The following MRTFB variants were observed in gnomAD, a reference collection of about 807,000 sequenced individuals.
MRTFB encodes the protein myocardin related transcription factor B.
MRTFB carries 29 observed loss-of-function variants against 104.2 expected under a neutral mutation model. That is an observed-to-expected ratio of 0.28 (90% confidence interval 0.21 to 0.38). The LOEUF is 0.38. Among genes scored for constraint, MRTFB ranks in the 10% least tolerant of loss-of-function variants. MRTFB has a pLI of 1.00. For synonymous variants in MRTFB, 535 were observed against 519.5 expected, an observed-to-expected ratio of 1.03 and a Z score of -0.41; for missense variants, 1,270 against 1,341.6, an observed-to-expected ratio of 0.95 and a Z score of 0.83.
intron 10 of MRTFB, among the ~76,000 whole-genome samples, chr16:14,244,735 C>A (rs1275688524): frequency 6.6e-6 from 1 of 152,172 alleles, no homozygotes; most frequent in African/African-American, 2.4e-5. Context: ...CCCCACTTTT[C>A]CACTGGGTTT....
At chr16:14,188,456 A>C (rs1948355349) in intron 3 of MRTFB, among the ~76,000 whole-genome samples, 3 of 152,226 alleles carry the variant, frequency 2.0e-5, no homozygotes, top group Admixed American at 2.0e-4. Context: ...CAATGGGATT[A>C]AGGCACATAG....
intron 9 of MRTFB, among the ~76,000 whole-genome samples, chr16:14,237,301 C>T (rs2042561661): frequency 2.6e-5 from 4 of 152,194 alleles, no homozygotes; most frequent in Admixed American, 2.6e-4. Flanking sequence ...GCAAAGGAGA[C>T]TCAGCAAAAA....
chr16:14,043,826 G>C, the MRTFB span, among the ~76,000 whole-genome samples: 1 of 152,180 alleles, frequency 6.6e-6, no homozygotes, highest in African/African-American at 2.4e-5. Flanking sequence ...CGAACCTTGT[G>C]CTAGGCACAC....
intron 2 of MRTFB, among the ~76,000 whole-genome samples, chr16:14,117,114 C>G (rs1483712357): frequency 6.6e-6 from 1 of 152,238 alleles, no homozygotes; most frequent in East Asian, 1.9e-4. Flanking sequence ...CTTTGAATAA[C>G]TACTCCTTTT....
chr16:14,102,062 A>G (rs1316527037), intron 2 of MRTFB, among the ~76,000 whole-genome samples: 1 of 152,080 alleles, frequency 6.6e-6, no homozygotes, highest in African/African-American at 2.4e-5. Flanking sequence ...AGAAAAATAG[A>G]GGAGTTATTT....
At chr16:14,064,218 T>G in the MRTFB span, among the ~76,000 whole-genome samples, 11 of 152,346 alleles carry the variant, frequency 7.2e-5, no homozygotes, top group African/African-American at 2.6e-4. Context: ...CGCATTTTTC[T>G]GATGATTAGT....
chr16:14,038,370 C>G, the MRTFB span, among the ~76,000 whole-genome samples: 1 of 152,120 alleles, frequency 6.6e-6, no homozygotes, highest in Non-Finnish European at 1.5e-5. Flanking sequence ...TCATCATATA[C>G]ATTTAGAGGC....
chr16:14,109,703 G>C (rs2036174728), intron 2 of MRTFB, among the ~76,000 whole-genome samples: 1 of 152,192 alleles, frequency 6.6e-6, no homozygotes, highest in South Asian at 2.1e-4. Flanking sequence ...AACCGTGGAA[G>C]CTATGTTTTT....
intron 8 of MRTFB, among the ~76,000 whole-genome samples, chr16:14,225,097 C>G (rs1433012279): frequency 6.6e-6 from 1 of 152,080 alleles, no homozygotes; most frequent in African/African-American, 2.4e-5. Context: ...GAGGTAGGAG[C>G]ATCGCTTGAA....
rs186340856 is a variant in MRTFB, at chr16:14,086,215, G to A, written c.-64+6861G>A. Among the ~76,000 whole-genome samples, 11 of 152,258 alleles carry A rather than the reference G, an allele frequency of 7.2e-5. No individual in the cohort carries two copies. In the East Asian group the frequency reaches 2.1e-3, roughly 29 times the overall value. ...CTTTGTCCAGTATCCTGTCTTTTAAGCCTTTCTGACTCCTAACCAATTTTT... is the reference window on the plus strand; with the variant it reads ...CTTTGTCCAGTATCCTGTCTTTTAAACCTTTCTGACTCCTAACCAATTTTT... On this transcript the variant is annotated intron_variant, in intron 2 of 16. Coordinates refer to ENST00000571589, the MANE Select transcript of MRTFB (RefSeq NM_001308142.2).
intron 3 of MRTFB, among the ~76,000 whole-genome samples, chr16:14,176,159 T>A (rs2039576667): frequency 6.6e-6 from 1 of 152,214 alleles, no homozygotes; most frequent in African/African-American, 2.4e-5. Context: ...ACAAGTAGTT[T>A]TTGTTGTCAG....
chr16:14,175,578 A>G (rs2039553832), intron 3 of MRTFB, among the ~76,000 whole-genome samples: 1 of 152,242 alleles, frequency 6.6e-6, no homozygotes, highest in Non-Finnish European at 1.5e-5. Context: ...CTGTTCCTTT[A>G]AAAACTAAGC....
rs1044831979 is a variant in MRTFB, at chr16:14,079,370, AT to A, written c.-64+25del. Reference sequence around the variant, plus strand: ...TCTTACCGAGGTAAGTTTTTTTATAATTTTTTTTTAACAAAGAAACTGTAAT... The same window carrying A: ...TCTTACCGAGGTAAGTTTTTTTATAATTTTTTTTAACAAAGAAACTGTAAT... On this transcript the variant is annotated intron_variant, in intron 2 of 16. Transcript: ENST00000571589. 104 of 343,988 alleles carry A rather than the reference AT, an allele frequency of 3.0e-4. No individual in the cohort carries two copies. Among genetic ancestry groups the A allele is most frequent in the South Asian group, 2.5e-3 (18 of 7,176 alleles). The allele number at this position is 343,988 out of a possible 1,614,324, so 21.3% of individuals were successfully genotyped here. A position where few individuals can be genotyped will look rare whatever the true frequency, so the allele number is the denominator to read the frequency against.
At chr16:14,008,837 T>G in the MRTFB span, among the ~76,000 whole-genome samples, 1 of 152,206 alleles carries the variant, frequency 6.6e-6, no homozygotes, top group Admixed American at 6.5e-5. Context: ...TATTTAGGTC[T>G]TCTTTAGTTT....
chr16:14,002,954 C>T, the MRTFB span, among the ~76,000 whole-genome samples: 6 of 151,352 alleles, frequency 4.0e-5, no homozygotes, highest in East Asian at 1.9e-4. Flanking sequence ...AACAGGACTC[C>T]GACACCTTTC....
chr16:14,172,849 G>T (rs554225521), intron 3 of MRTFB, among the ~76,000 whole-genome samples: 3 of 152,226 alleles, frequency 2.0e-5, no homozygotes, highest in African/African-American at 7.2e-5. Flanking sequence ...TCTCTGTCAG[G>T]TTTTTGAACT....
At chr16:14,012,517 C>G in the MRTFB span, among the ~76,000 whole-genome samples, 1 of 152,074 alleles carries the variant, frequency 6.6e-6, no homozygotes, top group East Asian at 1.9e-4. Context: ...CCAGGATGGT[C>G]TCGATCTCCT....
At chr16:14,256,257 C>A (rs2043489943) in intron 15 of MRTFB, among the ~76,000 whole-genome samples, 1 of 138,634 alleles carries the variant, frequency 7.2e-6, no homozygotes, top group Admixed American at 7.0e-5. Flanking sequence ...AAATAGTAAA[C>A]CCAAACTTAA....
At chr16:14,031,391 C>CA in the MRTFB span, among the ~76,000 whole-genome samples, 444 of 80,978 alleles carry the variant, frequency 5.5e-3, 3 homozygotes, top group East Asian at 0.015. Context: ...GAGGCTGTCT[C>CA]AAAAAAAAAA....
Sources: gnomAD v4.1 joint callset for allele counts (sites outside exome capture counted in the v4.1 genomes callset) on GRCh38, gnomAD v4.1.1 for gene constraint, MANE v1.5 for transcripts, NCBI Gene and HGNC (gene_info 2026-07-23, HGNC 2026-07-21) for gene names.